Variants in MGAT4C observed in about 807,000 individuals in gnomAD.
MGAT4C encodes the protein MGAT4 family member C, also known as alpha-1,3-mannosyl-glycoprotein 4-beta-N-acetylglucosaminyltransferase C.
In MGAT4C, 19 loss-of-function variants were observed where a neutral mutation model predicts 40.1. The observed-to-expected ratio is 0.47, with a 90% CI of 0.33 to 0.70. MGAT4C has a LOEUF of 0.70. MGAT4C is among the 30% of genes least tolerant of loss of function. The probability of loss-of-function intolerance (pLI) is 0.02; values close to 1 mark genes in which losing one functional copy is unlikely to be tolerated. For synonymous variants in MGAT4C, 181 were observed against 187.1 expected (o/e 0.97, Z 0.27); for missense variants, 491 against 563.2 (o/e 0.87, Z 1.30).
chr12:86,374,233 T>C (rs895169694), intron 3 of MGAT4C, among the ~76,000 whole-genome samples: 9 of 152,104 alleles, frequency 5.9e-5, no homozygotes, highest in African/African-American at 2.2e-4. Context: ...GATTACAGAT[T>C]ATTTAAGTTT....
intron 2 of MGAT4C, among the ~76,000 whole-genome samples, chr12:86,659,091 C>T (rs1246669340): frequency 2.0e-5 from 3 of 151,976 alleles, no homozygotes; most frequent in African/African-American, 7.2e-5. Flanking sequence ...ATAGTATAAC[C>T]TAGCTTATTT....
At chr12:86,255,738 C>G (rs892943486) in intron 1 of MGAT4C, among the ~76,000 whole-genome samples, 1 of 151,992 alleles carries the variant, frequency 6.6e-6, no homozygotes, top group African/African-American at 2.4e-5. Flanking sequence ...GAAGCCAGAG[C>G]CTTTGCTCAC....
At chr12:86,745,642 A>T (rs1179897755) in intron 1 of MGAT4C, among the ~76,000 whole-genome samples, 1 of 151,688 alleles carries the variant, frequency 6.6e-6, no homozygotes, top group African/African-American at 2.4e-5. Flanking sequence ...TATCTGTTGA[A>T]TGCTTAACTC....
intron 1 of MGAT4C, among the ~76,000 whole-genome samples, chr12:86,159,912 A>G (rs1049630663): frequency 6.6e-6 from 1 of 151,924 alleles, no homozygotes; most frequent in African/African-American, 2.4e-5. Flanking sequence ...ATCGGGCTTT[A>G]CTTGGGTCTT....
chr12:86,671,181 T>C (rs368399748), intron 2 of MGAT4C, among the ~76,000 whole-genome samples: 4 of 152,348 alleles, frequency 2.6e-5, no homozygotes, highest in African/African-American at 9.6e-5. Context: ...ATTCTGATGA[T>C]TCAGACAATT....
intron 4 of MGAT4C, among the ~76,000 whole-genome samples, chr12:86,273,503 A>G (rs1027163889): frequency 5.9e-5 from 9 of 152,196 alleles, no homozygotes; most frequent in Non-Finnish European, 4.4e-5. Flanking sequence ...ACAAATATAT[A>G]CAGGAAGCAT....
intron 2 of MGAT4C, among the ~76,000 whole-genome samples, chr12:85,996,287 A>C (rs957368987): frequency 6.6e-6 from 1 of 152,246 alleles, no homozygotes; most frequent in Admixed American, 6.5e-5. Context: ...TGAAATATTT[A>C]AATAAAAACA....
chr12:86,193,937 C>G (rs1367174951), intron 1 of MGAT4C, among the ~76,000 whole-genome samples: 2 of 152,112 alleles, frequency 1.3e-5, no homozygotes, highest in Non-Finnish European at 2.9e-5. Flanking sequence ...TCCTTCTTCT[C>G]TTACCTCACA....
intron 4 of MGAT4C, among the ~76,000 whole-genome samples, chr12:86,264,025 TG>T (rs1189637132): frequency 6.6e-6 from 1 of 152,064 alleles, no homozygotes; most frequent in Non-Finnish European, 1.5e-5. Context: ...TTACTTGTTT[TG>T]GGGTGGGGGG....
At chr12:86,817,145 G>T (rs908554755) in intron 1 of MGAT4C, among the ~76,000 whole-genome samples, 2 of 150,160 alleles carry the variant, frequency 1.3e-5, no homozygotes, top group Admixed American at 1.3e-4. Flanking sequence ...ATAAAATATA[G>T]AATATATATT....
intron 2 of MGAT4C, among the ~76,000 whole-genome samples, chr12:86,032,405 C>T (rs962174259): frequency 3.0e-5 from 4 of 132,892 alleles, no homozygotes; most frequent in Non-Finnish European, 7.2e-5. Context: ...TCCCTTTTCT[C>T]TGCAACCTTG....
intron 4 of MGAT4C, among the ~76,000 whole-genome samples, chr12:86,293,630 A>G (rs531834122): frequency 9.2e-5 from 14 of 152,002 alleles, no homozygotes; most frequent in Non-Finnish European, 1.9e-4. Flanking sequence ...AGTCATTATG[A>G]TATGTTTGTA....
At chr12:86,525,862 C>A (rs1186556351) in intron 2 of MGAT4C, among the ~76,000 whole-genome samples, 1 of 152,164 alleles carries the variant, frequency 6.6e-6, no homozygotes, top group Non-Finnish European at 1.5e-5. Flanking sequence ...GGCCACTATG[C>A]TCTGATGGGT....
rs1436053727 is a variant in MGAT4C at position 85,962,727 on chromosome 12, AATC to A, written c.*16559_*16561del. 4 of 151,336 alleles carry A rather than the reference AATC, an allele frequency of 2.6e-5. No individual in the cohort carries two copies. The South Asian group carries it at 8.3e-4, about 31-fold the overall frequency. The allele number at this position is 151,336 out of a possible 1,614,324, so 9.4% of individuals were successfully genotyped here. A position where few individuals can be genotyped will look rare whatever the true frequency, so the allele number is the denominator to read the frequency against. Reference sequence around the variant, plus strand: ...ACTACATTTTACATAGGATGAAAAAAATCATTATTTTTATTAATCCCAAGATAT... The same window carrying A: ...ACTACATTTTACATAGGATGAAAAAAATTATTTTTATTAATCCCAAGATAT... On this transcript the variant is annotated 3_prime_UTR_variant, in exon 5 of 5. Transcript: ENST00000611864.
At position 86,412,412 on chromosome 12, in the gene MGAT4C, G is replaced by C. The variant is rs140051801; in HGVS notation, c.-120+22745C>G. Among the ~76,000 whole-genome samples, 892 of 152,348 alleles carry C rather than the reference G, an allele frequency of 5.9e-3. 5 individuals are homozygous for C. The highest frequency in any genetic ancestry group is 0.01 in the Middle Eastern group (3 of 294). On this transcript the variant is annotated intron_variant, in intron 3 of 7. Transcript: ENST00000548651. ...TTTTGGGAGCCCAACTCTTGGTTCAGTGTGGCCTGGATGTTAGACATGGAG... is the reference window on the plus strand; with the variant it reads ...TTTTGGGAGCCCAACTCTTGGTTCACTGTGGCCTGGATGTTAGACATGGAG...
At position 86,139,806 on chromosome 12, in the gene MGAT4C, A is replaced by C. The variant is rs574054608; in HGVS notation, c.-56-90083T>G. Among the ~76,000 whole-genome samples, 4 of 152,316 alleles carry C rather than the reference A, an allele frequency of 2.6e-5. No individual in the cohort carries two copies. The East Asian group carries it at 5.8e-4, about 22-fold the overall frequency. ...AATAATTTTCCACAGCATTTGTATCAACTTTATATTCATAATCCTACCTGC... is the reference window on the plus strand; with the variant it reads ...AATAATTTTCCACAGCATTTGTATCCACTTTATATTCATAATCCTACCTGC... On this transcript the variant is annotated intron_variant, in intron 1 of 4. Coordinates refer to ENST00000611864, the MANE Select transcript of MGAT4C (RefSeq NM_001351288.2).
Position 86,673,726 on chromosome 12 carries a change from T to C in MGAT4C, c.-229+53483A>G, listed in dbSNP as rs182534771. ...TATAATCCTCATTTCAAACATAAAA[T>C]ACATCTTATTTCAAAATACACAAGT... On this transcript the variant is annotated intron_variant, in intron 2 of 7. Transcript: ENST00000548651. Among the ~76,000 whole-genome samples, 414 of 152,182 alleles carry C rather than the reference T, an allele frequency of 2.7e-3. 3 individuals are homozygous for C. Among genetic ancestry groups the C allele is most frequent in the African/African-American group, 9.7e-3 (404 of 41,542 alleles).
intron 1 of MGAT4C, among the ~76,000 whole-genome samples, chr12:86,773,269 A>C (rs145323842): frequency 6.6e-6 from 1 of 152,286 alleles, no homozygotes; most frequent in Non-Finnish European, 1.5e-5. Flanking sequence ...TTAGAAGAGT[A>C]AATGTAGACA....
intron 1 of MGAT4C, among the ~76,000 whole-genome samples, chr12:86,067,805 C>T (rs1894701794): frequency 6.6e-6 from 1 of 152,088 alleles, no homozygotes; most frequent in Non-Finnish European, 1.5e-5. Context: ...TTTTCATCAA[C>T]ATAAGGCATG....
Sources: allele counts gnomAD v4.1 joint callset (sites outside exome capture counted in the v4.1 genomes callset), GRCh38; gene constraint gnomAD v4.1.1; transcripts MANE v1.5; gene names NCBI Gene and HGNC (gene_info 2026-07-23, HGNC 2026-07-21).